RFX3: variants seen among roughly 807,000 people sequenced by gnomAD.
RFX3 encodes transcription factor RFX3.
RFX3 carries 14 observed loss-of-function variants against 98.6 expected under a neutral mutation model. That is an observed-to-expected ratio of 0.14 (90% confidence interval 0.09 to 0.22). RFX3 has a LOEUF of 0.22. Ranked by LOEUF, RFX3 falls within the 10% of genes least tolerant of loss-of-function variation. The pLI is 1.00. For synonymous variants in RFX3, 383 were observed against 328.4 expected (o/e 1.17, Z -1.80); for missense variants, 639 against 926.9 (o/e 0.69, Z 4.03).
rs112422954 is a variant in RFX3 at position 3,300,007 on chromosome 9, GT to G, written c.549+1538del. ...TGAAACAGGTAACTGGAAACTTCAG[GT>G]TTTTTTTTTTCTTATGTCCTTGCAC... On this transcript the variant is annotated intron_variant, in intron 5 of 16. Coordinates refer to ENST00000617270, the MANE Select transcript of RFX3 (RefSeq NM_001282116.2). Among the ~76,000 whole-genome samples, 526 of 146,766 alleles carry G rather than the reference GT, an allele frequency of 3.6e-3. 1 individual carries two copies. The highest frequency in any genetic ancestry group is 5.7e-3 in the Non-Finnish European group (379 of 66,062).
Position 3,315,082 on chromosome 9 carries a change from C to T in RFX3, c.475-13462G>A, listed in dbSNP as rs563153168. Among the ~76,000 whole-genome samples, 889 of 152,256 alleles carry T rather than the reference C, an allele frequency of 5.8e-3. 10 individuals carry two copies. The highest frequency in any genetic ancestry group is 0.02 in the African/African-American group (826 of 41,530). On this transcript the variant is annotated intron_variant, in intron 4 of 16. Coordinates refer to ENST00000617270, the MANE Select transcript of RFX3 (RefSeq NM_001282116.2). ...TCAACAGAATATACATTCTTCTCAG[C>T]ATCACATCACACTTATTCCAAAATT...
At chr9:3,374,092 GCACACA>G (rs35924655) in intron 2 of RFX3, among the ~76,000 whole-genome samples, 6 of 147,946 alleles carry the variant, frequency 4.1e-5, no homozygotes, top group African/African-American at 4.9e-5. Flanking sequence ...ACACACGCGC[GCACACA>G]CACACACACA....
At chr9:3,525,668 AACACACACACGCACGG>A (rs1819214126) in intron 1 of RFX3, 63 bp downstream of exon 1, 1 of 157,172 alleles carries the variant, frequency 6.4e-6, no homozygotes, top group African/African-American at 2.4e-5. Context: ...CGCACACACG[AACACACACACGCACGG>A]ACACACGCGT....
At chr9:3,262,567 G>T (rs1022038083) in intron 13 of RFX3, among the ~76,000 whole-genome samples, 3 of 152,118 alleles carry the variant, frequency 2.0e-5, no homozygotes, top group Non-Finnish European at 4.4e-5. Context: ...TTGTAAGGTG[G>T]GGAAAGTGAA....
At chr9:3,434,035 G>A (rs1844896032) in intron 1 of RFX3, among the ~76,000 whole-genome samples, 1 of 152,130 alleles carries the variant, frequency 6.6e-6, no homozygotes, top group South Asian at 2.1e-4. Context: ...TACTAATCAT[G>A]TGAAATCTCA....
intron 2 of RFX3, among the ~76,000 whole-genome samples, chr9:3,382,311 T>C (rs1213832997): frequency 2.0e-5 from 3 of 152,244 alleles, no homozygotes; most frequent in African/African-American, 7.2e-5. Flanking sequence ...GTTGTACCTT[T>C]GTATTTAATT....
rs756574114 is a variant in RFX3, at chr9:3,330,413, A to G, written c.320T>C (p.Val107Ala). ...AGTGCCCACCATACTGTGGGATGAG[A>G]CCACGGTAGTCACCTGGGCGGAACT... Reference protein sequence around the residue: ...QGSSAQVTTVVSSHSMVGTGG... With the variant: ...QGSSAQVTTVASSHSMVGTGG... Residue 107 changes from valine to alanine, a missense_variant, in exon 4 of 17, where the codon GTC becomes GCC. Transcript: ENST00000617270. 20 of 1,614,078 alleles carry G rather than the reference A, an allele frequency of 1.2e-5. No homozygotes were observed. Among genetic ancestry groups the G allele is most frequent in the Non-Finnish European group, 1.7e-5 (20 of 1,180,002 alleles).
chr9:3,330,473 T>G lies in RFX3; in HGVS notation c.260A>C (p.Gln87Pro). 6.2e-7 allele frequency: 1 copy of G among 1,614,108 alleles called. No homozygotes were observed. The highest frequency in any genetic ancestry group is 8.5e-7 in the Non-Finnish European group (1 of 1,179,972). Residue 87 changes from glutamine (Q) to proline (P), a missense_variant, in exon 4 of 17, where the codon CAA (glutamine) becomes CCA (proline). By Grantham distance (76) the Gln-to-Pro change is moderately conservative. This residue lies in a region of RFX3 where 210 missense variants were observed against 197.7 expected (regional missense o/e 1.06). Transcript: ENST00000617270. ...YPYTETQMYS[Q>P]NTGGNYFDTQ... is the part of the protein sequence containing the mutation. The stretch of plus-strand genomic sequence containing the variant: ...ATCAAAGTAATTCCCTCCAGTATTT[T>G]GGCTGTACATCTGTGTCTCTGTGTA...
At chr9:3,422,019 AAGG>A (rs1341952496) in intron 1 of RFX3, among the ~76,000 whole-genome samples, 3 of 150,906 alleles carry the variant, frequency 2.0e-5, no homozygotes, top group Admixed American at 6.6e-5. Flanking sequence ...AAAAAAATCT[AAGG>A]AGGCATTTGG....
rs1012258576 is a variant in RFX3 at position 3,268,147 on chromosome 9, G to GT, written c.1358-1843dup. ...CCCATTGAGTGCTCATACAATTAAC[G>GT]TTTTTTTCATTTTCAGATAACTGCA... On this transcript the variant is annotated intron_variant, in intron 11 of 16. Transcript: ENST00000617270. Among the ~76,000 whole-genome samples the GT allele has an allele frequency of 3.3e-5, 5 of 151,518 alleles. No homozygotes were observed. In the South Asian group the frequency reaches 6.3e-4, roughly 19 times the overall value.
chr9:3,522,786 C>T (rs1348980240), intron 1 of RFX3, among the ~76,000 whole-genome samples: 3 of 152,070 alleles, frequency 2.0e-5, no homozygotes, highest in Admixed American at 2.0e-4. Context: ...ATCATTTAAA[C>T]GACGCATAAA....
At chr9:3,423,785 A>ATC (rs1843671111) in intron 1 of RFX3, among the ~76,000 whole-genome samples, 1 of 109,970 alleles carries the variant, frequency 9.1e-6, no homozygotes, top group African/African-American at 5.7e-5. Context: ...TTTCATATAT[A>ATC]TATATATATA....
chr9:3,388,764 G>C (rs1839981601), intron 2 of RFX3, among the ~76,000 whole-genome samples: 2 of 151,990 alleles, frequency 1.3e-5, no homozygotes, highest in South Asian at 4.1e-4. Flanking sequence ...AAAAATTTCA[G>C]CAAAATTGAA....
At chr9:3,525,138 G>T (rs1039020554) in intron 1 of RFX3, among the ~76,000 whole-genome samples, 1 of 152,146 alleles carries the variant, frequency 6.6e-6, no homozygotes, top group East Asian at 1.9e-4. Flanking sequence ...ACCAGGCAAA[G>T]AGGGGCAAAA....
At chr9:3,404,245 T>G (rs1841750547) in intron 1 of RFX3, among the ~76,000 whole-genome samples, 1 of 152,190 alleles carries the variant, frequency 6.6e-6, no homozygotes, top group South Asian at 2.1e-4. Context: ...ACACTTGCTG[T>G]AAAACATAAT....
intron 9 of RFX3, among the ~76,000 whole-genome samples, chr9:3,274,315 A>G (rs1372558944): frequency 6.6e-6 from 1 of 152,224 alleles, no homozygotes; most frequent in East Asian, 1.9e-4. Context: ...AGCAGTCAGG[A>G]GGACTGCCCA....
chr9:3,263,400 C>G (rs1231207706), intron 12 of RFX3, among the ~76,000 whole-genome samples: 2 of 152,082 alleles, frequency 1.3e-5, no homozygotes, highest in Non-Finnish European at 2.9e-5. Flanking sequence ...AGTAGGGAAG[C>G]AAGAAAAATG....
rs555349379 is a variant in RFX3 at position 3,410,161 on chromosome 9, CTGTGTG to C, written c.-8-14571_-8-14566del. Among the ~76,000 whole-genome samples, 825 of 114,110 alleles carry C rather than the reference CTGTGTG, an allele frequency of 7.2e-3. 7 individuals carry two copies. Among genetic ancestry groups the C allele is most frequent in the Middle Eastern group, 0.017 (4 of 242 alleles). The allele number at this position is 114,110 out of a possible 152,430, so 74.9% of individuals were successfully genotyped here. Reference sequence around the variant, plus strand: ...TTAACACGATTTCAAGTGAGATAAACTGTGTGTGTGTGTGTGTGTGTGTGTGTGTGT... The same window carrying C: ...TTAACACGATTTCAAGTGAGATAAACTGTGTGTGTGTGTGTGTGTGTGTGT... On this transcript the variant is annotated intron_variant, in intron 1 of 16. Transcript: ENST00000617270.
chr9:3,340,731 A>T (rs1304124989), intron 3 of RFX3, among the ~76,000 whole-genome samples: 1 of 152,212 alleles, frequency 6.6e-6, no homozygotes, highest in Non-Finnish European at 1.5e-5. Flanking sequence ...TTAGAATGGC[A>T]ATCCTTAAAA....
Sources: gnomAD v4.1 joint callset for allele counts (sites outside exome capture counted in the v4.1 genomes callset) on GRCh38, gnomAD v4.1.1 for gene constraint, gnomAD v4.1.1 regional missense constraint, MANE v1.5 for transcripts, NCBI Gene and HGNC (gene_info 2026-07-23, HGNC 2026-07-21) for gene names.